Variants in CSRP3 observed in about 807,000 individuals in gnomAD.
CSRP3 encodes the protein cysteine and glycine-rich protein 3.
A neutral mutation model predicts 24.3 loss-of-function variants in CSRP3; 24 were observed. That is an observed-to-expected ratio of 0.99 (90% confidence interval 0.71 to 1.39). The LOEUF is 1.39. CSRP3 is among the 40% of genes most tolerant of loss of function. The pLI is 0.00. For missense variants in CSRP3, 240 were observed against 249.0 expected, an observed-to-expected ratio of 0.96 and a Z score of 0.24; for synonymous variants, 105 against 94.0, an observed-to-expected ratio of 1.12 and a Z score of -0.68.
chr11:19,196,679 G>T (rs1050798647), intron 1 of CSRP3: 10 of 152,160 alleles, frequency 6.6e-5, no homozygotes, highest in African/African-American at 2.4e-4. Flanking sequence ...TTGAAGGTGG[G>T]ATACAATTAT....
chr11:19,197,380 CCCTCCCTCCCTTCCTTCCTTCCTT>C (rs1850740699), intron 1 of CSRP3, among the ~76,000 whole-genome samples: 1 of 2,642 alleles, frequency 3.8e-4, no homozygotes, highest in African/African-American at 1.3e-3. Context: ...CTCCCTCCCT[CCCTCCCTCCCTTCCTTCCTTCCTT>C]CCTTCCTTCC....
At chr11:19,192,536 T>G in intron 1 of CSRP3, 60 bp from the exon 2 acceptor site, 3 of 1,039,716 alleles carry the variant, frequency 2.9e-6, no homozygotes, top group Non-Finnish European at 4.5e-6. Context: ...AACCAATCTC[T>G]AAGAGTGCAG....
rs983469995 is a variant in CSRP3 at position 19,199,127 on chromosome 11, C to T, written c.-29+2827G>A. 4.6e-5 allele frequency among the ~76,000 whole-genome samples: 7 copies of T among 152,010 alleles called. No individual in the cohort carries two copies. In the East Asian group the frequency reaches 7.8e-4, roughly 17 times the overall value. The stretch of plus-strand genomic sequence containing the variant: ...TGCCCCAGGACAGGTGTGCCCAGGT[C>T]GGGGTGAGAGTCGGTCCCCTTGCGT... On this transcript the variant is annotated intron_variant, in intron 1 of 5. Transcript: ENST00000265968.
At position 19,185,002 on chromosome 11, in the gene CSRP3, C is replaced by A; in HGVS notation, c.458G>T (p.Ser153Ile). 1 of 1,614,220 alleles carries A rather than the reference C, an allele frequency of 6.2e-7. No homozygotes were observed. The highest frequency in any genetic ancestry group is 8.5e-7 in the Non-Finnish European group (1 of 1,180,018). ...GTCAGTGACATTTGTGGACTCCAGA[C>A]TCTTCCCACAGATGGCACAGCGGAA... ...TCFRCAICGK[S>I]LESTNVTDKD... Residue 153 changes from serine to isoleucine, a missense_variant, in exon 5 of 6, where the codon AGT becomes ATT. Physicochemically the swap from Ser to Ile is moderately radical, Grantham distance 142. Coordinates refer to ENST00000265968, the MANE Select transcript of CSRP3 (RefSeq NM_003476.5).
intron 1 of CSRP3, 103 bp from the exon 2 acceptor site, chr11:19,192,579 T>A: frequency 2.7e-6 from 2 of 732,772 alleles, no homozygotes; most frequent in Non-Finnish European, 4.9e-6. Flanking sequence ...CCCAATTTTT[T>A]TTTAGTGTTT....
intron 5 of CSRP3, 55 bp from the exon 6 acceptor site, chr11:19,182,801 T>C: frequency 1.7e-6 from 2 of 1,182,718 alleles, no homozygotes; most frequent in South Asian, 1.2e-5. Flanking sequence ...GTGCCATTTT[T>C]TTCAGGGCTT....
intron 1 of CSRP3, among the ~76,000 whole-genome samples, chr11:19,194,136 A>G (rs914196807): frequency 6.6e-5 from 10 of 152,172 alleles, no homozygotes; most frequent in African/African-American, 2.2e-4. Context: ...TCCTGGGTCA[A>G]CTGGTCCGGA....
At chr11:19,197,510 T>G in intron 1 of CSRP3, among the ~76,000 whole-genome samples, 1 of 87,390 alleles carries the variant, frequency 1.1e-5, no homozygotes, top group Non-Finnish European at 2.3e-5. Context: ...CCTCTTTCTT[T>G]CTTTCTTTCT....
At chr11:19,183,826 C>G (rs1161533963) in intron 5 of CSRP3, among the ~76,000 whole-genome samples, 1 of 152,108 alleles carries the variant, frequency 6.6e-6, no homozygotes, top group Non-Finnish European at 1.5e-5. Flanking sequence ...TTGATTAGCT[C>G]ACATAATCCC....
chr11:19,184,164 C>A (rs1046560996), intron 5 of CSRP3, among the ~76,000 whole-genome samples: 4 of 152,232 alleles, frequency 2.6e-5, no homozygotes, highest in Non-Finnish European at 5.9e-5. Context: ...TCTCTCTTAA[C>A]TCCCTTTCCA....
At position 19,188,185 on chromosome 11, in the gene CSRP3, C is replaced by T; in HGVS notation, c.232G>A (p.Gly78Ser). The T allele has an allele frequency of 8.1e-6, 13 of 1,614,012 alleles. No homozygotes were observed. Among genetic ancestry groups the T allele is most frequent in the Non-Finnish European group, 1.1e-5 (13 of 1,180,040 alleles). ...TCGCCCGTGTCTGTGCTGAGACAGC[C>T]AGCGCCTTGTCCATACCCGATCCCT... ...PKGIGYGQGA[G>S]CLSTDTGEHL... is the part of the protein sequence containing the mutation. The change falls in exon 3 of 6, where the codon GGC (glycine) becomes AGC (serine). Residue 78 changes from glycine to serine, a missense_variant. Coordinates refer to ENST00000265968, the MANE Select transcript of CSRP3 (RefSeq NM_003476.5).
chr11:19,195,128 G>T (rs1015540844), intron 1 of CSRP3, among the ~76,000 whole-genome samples: 2 of 151,922 alleles, frequency 1.3e-5, no homozygotes, highest in Non-Finnish European at 2.9e-5. Context: ...GGTTTGAAGG[G>T]TGAATAGGAG....
At chr11:19,191,848 C>T (rs1360450976) in intron 2 of CSRP3, among the ~76,000 whole-genome samples, 6 of 152,080 alleles carry the variant, frequency 3.9e-5, no homozygotes, top group African/African-American at 1.5e-4. Context: ...CCCTCTCTGA[C>T]TCTTACATAC....
At chr11:19,186,481 G>A in intron 3 of CSRP3, 133 bp from the exon 4 acceptor site, 1 of 1,172,400 alleles carries the variant, frequency 8.5e-7, no homozygotes, top group Non-Finnish European at 1.3e-6. Flanking sequence ...GATAATGATG[G>A]TGTCTTTCTC....
At chr11:19,195,752 G>T (rs12225248) in intron 1 of CSRP3, among the ~76,000 whole-genome samples, 23,195 of 152,014 alleles carry the variant, frequency 0.15, 2,126 homozygotes, top group South Asian at 0.29. Context: ...ATGAGAATAG[G>T]ATTACAGATA....
intron 1 of CSRP3, among the ~76,000 whole-genome samples, chr11:19,198,756 A>G (rs986435589): frequency 1.3e-5 from 2 of 152,240 alleles, no homozygotes; most frequent in Non-Finnish European, 2.9e-5. Flanking sequence ...GCTTAAGTTC[A>G]GAAACACTAA....
rs1565055554 is a variant in CSRP3 at position 19,197,527 on chromosome 11, CTTT to C, written c.-29+4424_-29+4426del. On this transcript the variant is annotated intron_variant, in intron 1 of 5. Transcript: ENST00000265968. Reference sequence around the variant, plus strand: ...TCTTTCTTTCTTTCTTTCTTTCTTTCTTTCTTTCTTTCTTTCTTTCTTTCTTTC... The same window carrying C: ...TCTTTCTTTCTTTCTTTCTTTCTTTCCTTTCTTTCTTTCTTTCTTTCTTTC... 6.1e-4 allele frequency among the ~76,000 whole-genome samples: 77 copies of C among 126,866 alleles called. 1 individual carries two copies. Among genetic ancestry groups the C allele is most frequent in the East Asian group, 4.2e-3 (18 of 4,282 alleles). 83.2% of individuals were successfully genotyped at this position (126,866 alleles called of 152,430 possible).
intron 1 of CSRP3, among the ~76,000 whole-genome samples, chr11:19,199,193 C>T (rs958994052): frequency 4.6e-5 from 7 of 151,636 alleles, no homozygotes; most frequent in African/African-American, 1.7e-4. Flanking sequence ...GCCAGGGGCC[C>T]TGTAGTCTGG....
chr11:19,189,660 G>T (rs1850585182), intron 2 of CSRP3, among the ~76,000 whole-genome samples: 1 of 152,146 alleles, frequency 6.6e-6, no homozygotes, highest in Admixed American at 6.5e-5. Flanking sequence ...TTGTAGATGA[G>T]GTAGGATTAG....
Sources: gnomAD v4.1 joint callset for allele counts (sites outside exome capture counted in the v4.1 genomes callset) on GRCh38, gnomAD v4.1.1 for gene constraint, MANE v1.5 for transcripts, NCBI Gene and HGNC (gene_info 2026-07-23, HGNC 2026-07-21) for gene names.